INSC: variants seen among roughly 807,000 people sequenced by gnomAD.
INSC encodes protein inscuteable homolog.
INSC carries 67 observed loss-of-function variants against 58.6 expected under a neutral mutation model. The observed-to-expected ratio is 1.14, with a 90% CI of 0.94 to 1.40. The LOEUF is 1.40. INSC is among the 40% of genes most tolerant of loss of function. The pLI, the probability that INSC is intolerant of heterozygous loss-of-function variation, is 0.00. For missense variants in INSC, 714 were observed against 692.0 expected, an observed-to-expected ratio of 1.03 and a Z score of -0.36; for synonymous variants, 262 against 276.1, an observed-to-expected ratio of 0.95 and a Z score of 0.51.
intron 1 of INSC, among the ~76,000 whole-genome samples, chr11:15,144,709 C>G (rs1341079974): frequency 6.6e-6 from 1 of 152,200 alleles, no homozygotes; most frequent in Admixed American, 6.5e-5. Context: ...GCAGAAACCA[C>G]CTTTGCTCCT....
At chr11:15,240,833 C>T (rs939857347) in intron 12 of INSC, among the ~76,000 whole-genome samples, 4 of 152,174 alleles carry the variant, frequency 2.6e-5, no homozygotes, top group African/African-American at 4.8e-5. Flanking sequence ...CTGGTCGTGT[C>T]TATGTCATGG....
chr11:15,177,431 G>T (rs902825868), intron 4 of INSC, among the ~76,000 whole-genome samples: 1 of 152,180 alleles, frequency 6.6e-6, no homozygotes, highest in Non-Finnish European at 1.5e-5. Context: ...ACAAGGAAAA[G>T]GTTTCCCACA....
chr11:15,267,094 A>G, the INSC span, among the ~76,000 whole-genome samples: 7 of 152,106 alleles, frequency 4.6e-5, no homozygotes, highest in East Asian at 1.4e-3. Context: ...GTGAGTCTGA[A>G]AAACTATTTC....
intron 3 of INSC, 59 bp from the exon 4 acceptor site, chr11:15,177,052 G>A: frequency 7.6e-7 from 1 of 1,309,476 alleles, no homozygotes; most frequent in Non-Finnish European, 1.1e-6. Context: ...GCTCAGCACA[G>A]CAGTTGGTCC....
chr11:15,183,759 G>A (rs1309630009), intron 5 of INSC, among the ~76,000 whole-genome samples: 2 of 152,148 alleles, frequency 1.3e-5, no homozygotes, highest in African/African-American at 4.8e-5. Context: ...AAATGTAACT[G>A]TAACATGCTT....
At chr11:15,165,721 C>T (rs145824982) in intron 2 of INSC, among the ~76,000 whole-genome samples, 167 of 152,248 alleles carry the variant, frequency 1.1e-3, no homozygotes, top group African/African-American at 3.8e-3. Context: ...GTCCAGAGAG[C>T]ATGACATTCA....
chr11:15,195,637 T>C (rs1850344560), intron 6 of INSC, among the ~76,000 whole-genome samples: 1 of 152,210 alleles, frequency 6.6e-6, no homozygotes, highest in African/African-American at 2.4e-5. Flanking sequence ...AAGATGATGT[T>C]TGACCTCCTG....
chr11:15,238,727 T>C (rs1852224512), intron 10 of INSC, among the ~76,000 whole-genome samples, 192 bp from the exon 11 acceptor site: 1 of 152,200 alleles, frequency 6.6e-6, no homozygotes, highest in Non-Finnish European at 1.5e-5. Flanking sequence ...GTATAGTGAC[T>C]TGGTACATGG....
At position 15,221,668 on chromosome 11, in the gene INSC, G is replaced by A. The variant is rs370383424; in HGVS notation, c.991+20G>A. On this transcript the variant is annotated intron_variant, in intron 8 of 12. Coordinates refer to ENST00000379556, the MANE Select transcript of INSC (RefSeq NM_001042536.3). ...TCGTCAGTGAGTCACCCTGGGCAGC[G>A]GGACCACTAGGAGAGAGGGCCTTGG... 94 of 1,597,022 alleles carry A rather than the reference G, an allele frequency of 5.9e-5. No individual in the cohort carries two copies. The African/African-American group carries it at 1.2e-3, about 20-fold the overall frequency.
chr11:15,251,797 TAC>T (rs768168851), downstream of INSC, among the ~76,000 whole-genome samples: 2 of 152,168 alleles, frequency 1.3e-5, no homozygotes, highest in Non-Finnish European at 2.9e-5. Flanking sequence ...GGTAAAATAG[TAC>T]AGTCACTTTG....
Position 15,235,607 on chromosome 11 carries a change from G to T in INSC, c.1176G>T (p.Val392=). ...TTCTAAATTATCTTTTCCAGATTGT[G>T]ACCATCTTGGCAAACATGTCTGTCC... ...VDTPYTRDQI[V]TILANMSVLE... The change falls in exon 10 of 13, where the codon GTG becomes GTT. Residue 392 remains valine, a synonymous_variant. Transcript: ENST00000379556. 1 of 1,613,564 alleles carries T rather than the reference G, an allele frequency of 6.2e-7. No individual in the cohort carries two copies. Among genetic ancestry groups the T allele is most frequent in the South Asian group, 1.1e-5 (1 of 91,038 alleles).
intron 2 of INSC, among the ~76,000 whole-genome samples, chr11:15,175,019 G>A (rs1021014734): frequency 6.6e-6 from 1 of 152,068 alleles, no homozygotes; most frequent in African/African-American, 2.4e-5. Context: ...TTCTCATGCT[G>A]TTGTACTAAA....
intron 9 of INSC, among the ~76,000 whole-genome samples, chr11:15,226,828 T>C (rs1039070587): frequency 6.6e-6 from 1 of 152,204 alleles, no homozygotes; most frequent in Admixed American, 6.5e-5. Context: ...TTATTCCTCT[T>C]AATTATTTCA....
chr11:15,164,993 T>G (rs1849146759), intron 2 of INSC, among the ~76,000 whole-genome samples: 1 of 152,222 alleles, frequency 6.6e-6, no homozygotes, highest in Non-Finnish European at 1.5e-5. Flanking sequence ...TTTTTCCTTA[T>G]AAATTACCCA....
intron 1 of INSC, among the ~76,000 whole-genome samples, chr11:15,131,865 T>C (rs1039701569): frequency 1.3e-5 from 2 of 152,134 alleles, no homozygotes; most frequent in Non-Finnish European, 2.9e-5. Context: ...AGCTAGCACA[T>C]AGCATGCACA....
chr11:15,219,148 G>T (rs1163543428), intron 7 of INSC, among the ~76,000 whole-genome samples: 1 of 152,096 alleles, frequency 6.6e-6, no homozygotes, highest in Non-Finnish European at 1.5e-5. Context: ...AAGCCTCTCT[G>T]GCAATTCTGG....
At chr11:15,221,439 C>T in intron 7 of INSC, 38 bp from the exon 8 acceptor site, 4 of 1,572,658 alleles carry the variant, frequency 2.5e-6, no homozygotes, top group Non-Finnish European at 3.5e-6. Context: ...TGGTGTCCAC[C>T]CAGGATGCAC....
intron 2 of INSC, among the ~76,000 whole-genome samples, chr11:15,151,311 C>G (rs935541340): frequency 1.3e-5 from 2 of 152,166 alleles, no homozygotes; most frequent in Non-Finnish European, 2.9e-5. Context: ...CCACAGCCTC[C>G]CTGCATGGAA....
intron 7 of INSC, among the ~76,000 whole-genome samples, chr11:15,220,810 A>C (rs1851407841): frequency 6.6e-6 from 1 of 152,220 alleles, no homozygotes; most frequent in South Asian, 2.1e-4. Flanking sequence ...CTTATCTGGC[A>C]CTAATGTCCC....
Sources: gnomAD v4.1 joint callset for allele counts (sites outside exome capture counted in the v4.1 genomes callset) on GRCh38, gnomAD v4.1.1 for gene constraint, MANE v1.5 for transcripts, NCBI Gene and HGNC (gene_info 2026-07-23, HGNC 2026-07-21) for gene names.